Variants in MAN2A1 observed in about 807,000 individuals in gnomAD.
MAN2A1 encodes mannosidase alpha class 2A member 1, also known as alpha-mannosidase 2.
In MAN2A1, 76 loss-of-function variants were observed where a neutral mutation model predicts 142.6. The observed-to-expected ratio is 0.53, with a 90% CI of 0.44 to 0.65. The LOEUF is 0.65. MAN2A1 is among the 30% of genes least tolerant of loss of function. The pLI, the probability that MAN2A1 is intolerant of heterozygous loss-of-function variation, is 0.00. For missense variants in MAN2A1, 1,311 were observed against 1,365.1 expected, an observed-to-expected ratio of 0.96 and a Z score of 0.62; for synonymous variants, 559 against 473.2, an observed-to-expected ratio of 1.18 and a Z score of -2.35.
At chr5:109,866,193 G>A (rs1437449552) in intron 21 of MAN2A1, among the ~76,000 whole-genome samples, 1 of 152,036 alleles carries the variant, frequency 6.6e-6, no homozygotes, top group Non-Finnish European at 1.5e-5. Flanking sequence ...TTGTATTGTT[G>A]ATGATCTAAG....
At chr5:109,780,418 T>C (rs966367994) in intron 8 of MAN2A1, among the ~76,000 whole-genome samples, 5 of 152,094 alleles carry the variant, frequency 3.3e-5, no homozygotes, top group Non-Finnish European at 1.5e-5. Context: ...AGAGAAGTTA[T>C]GTAATATGCT....
chr5:109,726,238 T>C (rs1294106912), intron 3 of MAN2A1, among the ~76,000 whole-genome samples: 8 of 152,226 alleles, frequency 5.3e-5, no homozygotes, highest in Non-Finnish European at 4.4e-5. Flanking sequence ...ATTCATCCCC[T>C]ACCACTTTTT....
intron 4 of MAN2A1, among the ~76,000 whole-genome samples, chr5:109,740,380 G>A (rs918183146): frequency 1.3e-5 from 2 of 152,190 alleles, no homozygotes; most frequent in African/African-American, 4.8e-5. Context: ...CCTGGGGCTG[G>A]CTTTCTCCCT....
chr5:109,715,870 G>T (rs1275921186), intron 2 of MAN2A1, among the ~76,000 whole-genome samples: 1 of 151,942 alleles, frequency 6.6e-6, no homozygotes, highest in Non-Finnish European at 1.5e-5. Context: ...GGAATAGAAT[G>T]AACTTTTTTT....
At chr5:109,713,487 T>C in intron 1 of MAN2A1, 33 bp from the exon 2 acceptor site, 1 of 1,551,358 alleles carries the variant, frequency 6.4e-7, no homozygotes, top group African/African-American at 1.4e-5. Context: ...ATATTAGTAT[T>C]TCATATAGCT....
At chr5:109,861,169 A>G (rs1755745678) in intron 20 of MAN2A1, among the ~76,000 whole-genome samples, 1 of 152,170 alleles carries the variant, frequency 6.6e-6, no homozygotes, top group Admixed American at 6.5e-5. Context: ...AGTAACATGG[A>G]GATGGTAATA....
chr5:109,847,545 TAG>T, intron 18 of MAN2A1, 110 bp from the exon 19 acceptor site: 1 of 949,668 alleles, frequency 1.1e-6, no homozygotes, highest in Non-Finnish European at 1.4e-6. Flanking sequence ...CCTCCTTGAC[TAG>T]AGAGGAAATT....
intron 10 of MAN2A1, among the ~76,000 whole-genome samples, chr5:109,786,372 C>A (rs1231198221): frequency 6.6e-6 from 1 of 151,972 alleles, no homozygotes; most frequent in East Asian, 1.9e-4. Flanking sequence ...CTACACCGCC[C>A]ACTTGCTATC....
chr5:109,724,378 A>G (rs1161399145), intron 3 of MAN2A1, among the ~76,000 whole-genome samples: 14 of 152,186 alleles, frequency 9.2e-5, no homozygotes, highest in Admixed American at 9.2e-4. Flanking sequence ...AACATCATGC[A>G]ATATACCCGT....
intron 4 of MAN2A1, among the ~76,000 whole-genome samples, chr5:109,730,273 TAAG>T: frequency 6.6e-6 from 1 of 152,162 alleles, no homozygotes; most frequent in East Asian, 1.9e-4. Context: ...TCATACAGGT[TAAG>T]GTTTTTGTGA....
At chr5:109,715,656 T>C (rs1347021880) in intron 2 of MAN2A1, among the ~76,000 whole-genome samples, 1 of 152,202 alleles carries the variant, frequency 6.6e-6, no homozygotes, top group Non-Finnish European at 1.5e-5. Context: ...TATAGATAGA[T>C]ATATTTTTGT....
At chr5:109,708,828 G>C (rs1751214528) in intron 1 of MAN2A1, among the ~76,000 whole-genome samples, 1 of 152,214 alleles carries the variant, frequency 6.6e-6, no homozygotes, top group African/African-American at 2.4e-5. Context: ...CAGGCTCTTA[G>C]AGAGGATGAG....
intron 9 of MAN2A1, among the ~76,000 whole-genome samples, chr5:109,783,314 C>T (rs1314735856): frequency 6.6e-6 from 1 of 152,062 alleles, no homozygotes; most frequent in Non-Finnish European, 1.5e-5. Context: ...AATATTTCAT[C>T]TCTCTGCTCA....
rs1443953709 is a variant in MAN2A1 at position 109,867,016 on chromosome 5, G to A, written c.*18G>A. ...TGAGGTGAACCTGACTTTCACATTTGGATTGAGAATCATTGGCTTTTATAC... is the reference window on the plus strand; with the variant it reads ...TGAGGTGAACCTGACTTTCACATTTAGATTGAGAATCATTGGCTTTTATAC... On this transcript the variant is annotated 3_prime_UTR_variant, in exon 22 of 22. Coordinates refer to ENST00000261483, the MANE Select transcript of MAN2A1 (RefSeq NM_002372.4). 2 of 1,601,846 alleles carry A rather than the reference G, an allele frequency of 1.2e-6. No individual in the cohort carries two copies. The highest frequency in any genetic ancestry group is 1.7e-4 in the Middle Eastern group (1 of 6,026).
intron 3 of MAN2A1, among the ~76,000 whole-genome samples, chr5:109,726,276 C>T (rs534548606): frequency 6.6e-6 from 1 of 152,210 alleles, no homozygotes; most frequent in Admixed American, 6.5e-5. Context: ...TGGTTGGTCT[C>T]ATGTTAATAT....
chr5:109,832,541 C>T (rs1754940428), intron 16 of MAN2A1, among the ~76,000 whole-genome samples: 1 of 152,194 alleles, frequency 6.6e-6, no homozygotes, highest in South Asian at 2.1e-4. Flanking sequence ...TTTCTTAGTA[C>T]AGCACAAAAT....
chr5:109,867,115 G>T lies in MAN2A1; in HGVS notation c.*117G>T. The T allele has an allele frequency of 3.2e-5, 15 of 466,302 alleles. No homozygotes were observed. Among genetic ancestry groups the T allele is most frequent in the East Asian group, 1.2e-4 (2 of 16,746 alleles). The allele number at this position is 466,302 out of a possible 1,614,324, so 28.9% of individuals were successfully genotyped here. A position where few individuals can be genotyped will look rare whatever the true frequency, so the allele number is the denominator to read the frequency against. On this transcript the variant is annotated 3_prime_UTR_variant, in exon 22 of 22. Coordinates refer to ENST00000261483, the MANE Select transcript of MAN2A1 (RefSeq NM_002372.4). ...GCTACTGTGAGAACATGAATTCTGT[G>T]ATTCTGTGGGTTTTTTCTTTTTTCT...
intron 1 of MAN2A1, among the ~76,000 whole-genome samples, chr5:109,691,592 T>G (rs1187954917): frequency 2.6e-5 from 4 of 152,242 alleles, no homozygotes; most frequent in South Asian, 4.1e-4. Flanking sequence ...GCCATTTTTT[T>G]TGTGTTATGC....
intron 19 of MAN2A1, chr5:109,854,386 C>T (rs914097032): frequency 6.6e-6 from 1 of 151,972 alleles, no homozygotes; most frequent in African/African-American, 2.4e-5. Flanking sequence ...AACCATATAC[C>T]ATAGCAAAAA....
Sources: allele counts gnomAD v4.1 joint callset (sites outside exome capture counted in the v4.1 genomes callset), GRCh38; gene constraint gnomAD v4.1.1; transcripts MANE v1.5; gene names NCBI Gene and HGNC (gene_info 2026-07-23, HGNC 2026-07-21).